LEO1: variants seen among roughly 807,000 people sequenced by gnomAD.
The protein encoded by LEO1 is LEO1 component of Paf1/RNA polymerase II complex, also known as RNA polymerase-associated protein LEO1.
In LEO1, 34 loss-of-function variants were observed where a neutral mutation model predicts 80.4. The ratio of observed to expected loss-of-function variants is 0.42; its 90% CI spans 0.32 to 0.56. The LOEUF (loss-of-function observed/expected upper bound fraction) is 0.56. Among genes scored for constraint, LEO1 ranks in the 20% least tolerant of loss-of-function variants. The pLI is 0.10. For synonymous variants in LEO1, 262 were observed against 274.9 expected (o/e 0.95, Z 0.46); for missense variants, 631 against 814.2 (o/e 0.77, Z 2.74).
chr15:51,945,827 G>A (rs2056895355), intron 11 of LEO1, among the ~76,000 whole-genome samples: 1 of 152,102 alleles, frequency 6.6e-6, no homozygotes, highest in Non-Finnish European at 1.5e-5. Flanking sequence ...AAGGTCAGGA[G>A]ATTGAGACCA....
intron 6 of LEO1, among the ~76,000 whole-genome samples, chr15:51,955,647 A>T (rs2056983330): frequency 1.3e-5 from 2 of 152,234 alleles, no homozygotes; most frequent in African/African-American, 4.8e-5. Flanking sequence ...AGAAGCCAAC[A>T]ATGTGAAAAC....
chr15:51,962,310 A>T, intron 3 of LEO1, 79 bp downstream of exon 3: 1 of 917,628 alleles, frequency 1.1e-6, no homozygotes, highest in Non-Finnish European at 1.6e-6. Context: ...GGGTAAACAC[A>T]CTCAGGGTTA....
chr15:51,956,384 C>A (rs1451922075), intron 6 of LEO1, among the ~76,000 whole-genome samples: 1 of 128,248 alleles, frequency 7.8e-6, no homozygotes, highest in African/African-American at 3.0e-5. Flanking sequence ...TGCGCCACTG[C>A]ATTCCAGCCT....
At chr15:51,945,537 A>G (rs1234552641) in intron 11 of LEO1, among the ~76,000 whole-genome samples, 1 of 152,110 alleles carries the variant, frequency 6.6e-6, no homozygotes, top group Admixed American at 6.6e-5. Context: ...GCATTTCTAA[A>G]AGTATAACAT....
intron 11 of LEO1, among the ~76,000 whole-genome samples, chr15:51,940,363 AG>A (rs2056839939): frequency 3.3e-5 from 5 of 151,130 alleles, no homozygotes; most frequent in South Asian, 2.1e-4. Context: ...GTTCAAGACC[AG>A]CCCAGCCAAC....
Position 51,960,755 on chromosome 15 carries a change from G to C in LEO1, c.920-22C>G, listed in dbSNP as rs766779369. On this transcript the variant is annotated intron_variant, in intron 3 of 11. Coordinates refer to ENST00000299601, the MANE Select transcript of LEO1 (RefSeq NM_138792.4). ...TTATCTTCAATGCAGAAGGAAAAAG[G>C]CATTAGTGTTACTATCTGTAACTAA... 7 of 1,379,954 alleles carry C rather than the reference G, an allele frequency of 5.1e-6. No individual in the cohort carries two copies. In the East Asian group the frequency reaches 1.4e-4, roughly 27 times the overall value. 85.5% of individuals were successfully genotyped at this position (1,379,954 alleles called of 1,614,324 possible). A position where few individuals can be genotyped will look rare whatever the true frequency, so the allele number is the denominator to read the frequency against.
At chr15:51,942,279 T>C (rs963655228) in intron 11 of LEO1, among the ~76,000 whole-genome samples, 1 of 152,122 alleles carries the variant, frequency 6.6e-6, no homozygotes, top group Non-Finnish European at 1.5e-5. Flanking sequence ...CAGGAAGACC[T>C]GAAAGAGAGT....
At chr15:51,946,126 T>C (rs1379547380) in intron 11 of LEO1, among the ~76,000 whole-genome samples, 2 of 152,222 alleles carry the variant, frequency 1.3e-5, no homozygotes, top group African/African-American at 2.4e-5. Context: ...TTTTAAATTA[T>C]CTTGAAATAA....
At chr15:51,956,454 CATT>C (rs1233295827) in intron 6 of LEO1, among the ~76,000 whole-genome samples, 1 of 150,240 alleles carries the variant, frequency 6.7e-6, no homozygotes, top group Non-Finnish European at 1.5e-5. Context: ...ACAAATAGGC[CATT>C]ATTAATTGAG....
intron 6 of LEO1, among the ~76,000 whole-genome samples, chr15:51,955,690 GT>G (rs2056983605): frequency 6.6e-6 from 1 of 152,178 alleles, no homozygotes; most frequent in Non-Finnish European, 1.5e-5. Flanking sequence ...CCCTCTGCCT[GT>G]TCCCCCAGTG....
chr15:51,954,772 T>C (rs1008191153), intron 6 of LEO1, 197 bp from the exon 7 acceptor site: 1 of 545,886 alleles, frequency 1.8e-6, no homozygotes, highest in African/African-American at 1.9e-5. Flanking sequence ...GAAAAAAATA[T>C]GCTTAAGTGA....
In LEO1 at chr15:51,949,880, C is replaced by G; in HGVS notation, c.1726G>C (p.Asp576His). 1 of 1,614,070 alleles carries G rather than the reference C, an allele frequency of 6.2e-7. No individual in the cohort carries two copies. The highest frequency in any genetic ancestry group is 8.5e-7 in the Non-Finnish European group (1 of 1,180,014). Residue 576 changes from aspartate (D) to histidine (H), a missense_variant, in exon 10 of 12, where the codon GAT (aspartate) becomes CAT (histidine). This residue lies in a region of LEO1 where 117 missense variants were observed against 163.5 expected (regional missense o/e 0.72). Coordinates refer to ENST00000299601, the MANE Select transcript of LEO1 (RefSeq NM_138792.4). ...GACTCCTCGCCTTCCTCCTCCTCAT[C>G]GTATCGATCAGGTTCCAGGTAACTG... ...SASYLEPDRY[D>H]EEEEGEESIS... is the part of the protein sequence containing the mutation.
intron 5 of LEO1, 73 bp downstream of exon 5, chr15:51,959,826 G>T: frequency 7.4e-7 from 1 of 1,350,318 alleles, no homozygotes; most frequent in East Asian, 2.6e-5. Flanking sequence ...TCAACTCAAT[G>T]CGAAATAAGA....
intron 7 of LEO1, 48 bp from the exon 8 acceptor site, chr15:51,953,311 TACCATCTTACTTCACTTAAAGGTG>T: frequency 6.3e-7 from 1 of 1,595,492 alleles, no homozygotes; most frequent in Non-Finnish European, 8.6e-7. Flanking sequence ...GCTTTCACTC[TACCATCTTACTTCACTTAAAGGTG>T]ATTCAGGCTG....
intron 6 of LEO1, among the ~76,000 whole-genome samples, chr15:51,956,768 A>C (rs1435816409): frequency 6.6e-6 from 1 of 152,232 alleles, no homozygotes; most frequent in Non-Finnish European, 1.5e-5. Flanking sequence ...AGTTTATGTT[A>C]AACACCAACA....
chr15:51,951,317 C>T (rs1375811885), intron 9 of LEO1, among the ~76,000 whole-genome samples: 1 of 152,184 alleles, frequency 6.6e-6, no homozygotes, highest in African/African-American at 2.4e-5. Flanking sequence ...CATGCTCTAT[C>T]GATTAGGTAC....
chr15:51,960,604 G>A (rs780816055), intron 4 of LEO1, 35 bp downstream of exon 4: 1 of 1,168,784 alleles, frequency 8.6e-7, no homozygotes, highest in Non-Finnish European at 1.3e-6. Flanking sequence ...CTTTATGCCT[G>A]GCCTTGAATA....
At chr15:51,941,537 AC>A (rs2056852450) in intron 11 of LEO1, among the ~76,000 whole-genome samples, 1 of 151,868 alleles carries the variant, frequency 6.6e-6, no homozygotes, top group Non-Finnish European at 1.5e-5. Flanking sequence ...TGGCCTTGAT[AC>A]CTCTCCTTTC....
At chr15:51,942,383 G>A (rs989358239) in intron 11 of LEO1, among the ~76,000 whole-genome samples, 2 of 151,584 alleles carry the variant, frequency 1.3e-5, no homozygotes, top group African/African-American at 4.9e-5. Context: ...GTTTGCAACT[G>A]CCCAGCCTAG....
Sources: allele counts gnomAD v4.1 joint callset (sites outside exome capture counted in the v4.1 genomes callset), GRCh38; gene constraint gnomAD v4.1.1; regional missense constraint gnomAD v4.1.1; transcripts MANE v1.5; gene names NCBI Gene and HGNC (gene_info 2026-07-23, HGNC 2026-07-21).